Variants in MACF1 observed in about 807,000 individuals in gnomAD.
The protein encoded by MACF1 is microtubule-actin cross-linking factor 1.
In MACF1, 193 loss-of-function variants were observed where a neutral mutation model predicts 854.8. The ratio of observed to expected loss-of-function variants is 0.23; its 90% CI spans 0.20 to 0.25. The LOEUF (loss-of-function observed/expected upper bound fraction) is 0.25, where lower values mean the gene tolerates loss of function less well. Ranked by LOEUF, MACF1 falls within the 10% of genes least tolerant of loss-of-function variation. MACF1 has a pLI of 1.00. For missense variants in MACF1, 7,722 were observed against 8,929.1 expected, an observed-to-expected ratio of 0.86 and a Z score of 5.45; for synonymous variants, 3,185 against 3,226.7, an observed-to-expected ratio of 0.99 and a Z score of 0.44.
intron 72 of MACF1, among the ~76,000 whole-genome samples, chr1:39,440,375 G>A (rs1382452494): frequency 6.6e-6 from 1 of 151,588 alleles, no homozygotes; most frequent in African/African-American, 2.4e-5. Flanking sequence ...CAAAGTCCTG[G>A]GATTACAGGC....
At chr1:39,260,024 G>A (rs953459575) in intron 6 of MACF1, among the ~76,000 whole-genome samples, 6 of 152,294 alleles carry the variant, frequency 3.9e-5, no homozygotes, top group African/African-American at 1.4e-4. Context: ...ACCAATAATA[G>A]TTCCTTTGTT....
intron 1 of MACF1, among the ~76,000 whole-genome samples, chr1:39,230,367 G>A (rs755220523): frequency 5.3e-5 from 8 of 152,140 alleles, no homozygotes; most frequent in Non-Finnish European, 1.0e-4. Context: ...GATAGGCCAC[G>A]GAGCATGGTC....
rs147697630 is a variant in MACF1, at chr1:39,337,287, G to C, written c.10171G>C (p.Glu3391Gln). The C allele has an allele frequency of 1.2e-6, 2 of 1,614,004 alleles. No individual in the cohort carries two copies. Among genetic ancestry groups the C allele is most frequent in the African/African-American group, 2.7e-5 (2 of 75,040 alleles). ...EMRTKQIQPL[E>Q]LNLAELQDLL... ...GAGGACCAAACAGATTCAACCTTTG[G>C]AGCTAAACCTGGCAGAACTACAGGA... is the stretch of plus-strand genomic sequence containing the variant. The change falls in exon 38 of 101, where the codon GAG becomes CAG. Residue 3391 changes from glutamate (E) to glutamine (Q), a missense_variant. Transcript: ENST00000564288.
At position 39,289,746 on chromosome 1, in the gene MACF1, C is replaced by T. The variant is rs1347309248; in HGVS notation, c.1786-2164C>T. 1.2e-4 allele frequency among the ~76,000 whole-genome samples: 9 copies of T among 75,284 alleles called. No individual in the cohort carries two copies. The Admixed American group carries it at 1.4e-3, about 11-fold the overall frequency. 49.4% of individuals were successfully genotyped at this position (75,284 alleles called of 152,430 possible). A position where few individuals can be genotyped will look rare whatever the true frequency, so the allele number is the denominator to read the frequency against. On this transcript the variant is annotated intron_variant, in intron 15 of 100. Coordinates refer to ENST00000564288, the MANE Select transcript of MACF1 (RefSeq NM_001394062.1). Reference sequence around the variant, plus strand: ...TTTTTGAGACAGAGTCTTGTTCTGTCTCCCAGGCTGGAGTGCAATGGCGCA... The same window carrying T: ...TTTTTGAGACAGAGTCTTGTTCTGTTTCCCAGGCTGGAGTGCAATGGCGCA...
At chr1:39,420,909 A>G (rs1570005958) in intron 58 of MACF1, among the ~76,000 whole-genome samples, 1 of 136,432 alleles carries the variant, frequency 7.3e-6, no homozygotes, top group South Asian at 2.2e-4. Flanking sequence ...TCTGTTGCCC[A>G]GGCTGGAGTG....
Position 39,333,646 on chromosome 1 carries a change from G to C in MACF1, c.7058G>C (p.Gly2353Ala). 6.2e-7 allele frequency: 1 copy of C among 1,614,210 alleles called. No individual in the cohort carries two copies. The highest frequency in any genetic ancestry group is 8.5e-7 in the Non-Finnish European group (1 of 1,180,034). Residue 2353 changes from glycine to alanine, a missense_variant, in exon 37 of 101, where the codon GGT becomes GCT. Around this residue, in one of 15 missense-constraint regions of MACF1, gnomAD observed 1,531 missense variants for 1,601.6 expected, o/e 0.96. Coordinates refer to ENST00000564288, the MANE Select transcript of MACF1 (RefSeq NM_001394062.1). ...ACAACTGAAGAAGTCATTAATGAAG[G>C]TCTGATGGATGAGAAATTATTACAT... The part of the protein sequence containing the change: ...SLTTEEVINE[G>A]LMDEKLLHNV...
At chr1:39,232,147 A>G (rs1387739797) in intron 2 of MACF1, among the ~76,000 whole-genome samples, 1 of 148,690 alleles carries the variant, frequency 6.7e-6, no homozygotes, top group African/African-American at 2.4e-5. Flanking sequence ...ATATATTATT[A>G]TGGTATTATT....
At chr1:39,217,896 AAAAG>A (rs1371832847) in intron 1 of MACF1, among the ~76,000 whole-genome samples, 2 of 149,332 alleles carry the variant, frequency 1.3e-5, no homozygotes, top group African/African-American at 5.0e-5. Context: ...AAAAAAAAAA[AAAAG>A]AGGTCGGTCA....
rs1641933920 is a variant in MACF1, at chr1:39,096,241, A to C, written c.220+11803A>C. On this transcript the variant is annotated intron_variant, in intron 2 of 93. Coordinates refer to the MACF1 transcript ENST00000361689. ...GAGTCTTGCTTTGGGAGGAAAAAGA[A>C]ACAGGTGAAAGGAGGGCAGGAGGGC... is the stretch of plus-strand genomic sequence containing the variant. 2.6e-5 allele frequency among the ~76,000 whole-genome samples: 4 copies of C among 151,946 alleles called. 1 individual carries two copies. The South Asian group carries it at 8.3e-4, about 31-fold the overall frequency.
At chr1:39,436,359 C>G in intron 70 of MACF1, 3 of 981,192 alleles carry the variant, frequency 3.1e-6, no homozygotes, top group Non-Finnish European at 4.9e-6. Context: ...GTTTCTCCCC[C>G]CACCTTCCGT....
At chr1:39,296,174 G>T (rs1359310349) in intron 20 of MACF1, among the ~76,000 whole-genome samples, 1 of 152,184 alleles carries the variant, frequency 6.6e-6, no homozygotes, top group Non-Finnish European at 1.5e-5. Context: ...AGGTGCTGAA[G>T]CACCAACCCA....
intron 97 of MACF1, among the ~76,000 whole-genome samples, chr1:39,479,201 C>G (rs1435048097): frequency 6.6e-6 from 1 of 152,156 alleles, no homozygotes; most frequent in African/African-American, 2.4e-5. Context: ...TTCTCACTAG[C>G]AAGTTTTGTG....
At position 39,444,644 on chromosome 1, in the gene MACF1, T is replaced by C. The variant is rs199949400; in HGVS notation, c.19432-18T>C. 3.7e-6 allele frequency: 6 copies of C among 1,600,746 alleles called. No individual in the cohort carries two copies. Among genetic ancestry groups the C allele is most frequent in the Non-Finnish European group, 5.1e-6 (6 of 1,170,950 alleles). ...AGAGAATTCGTAGAATTGATATCTTTCCTGCCTTTTCTTGTAGGAACTCTA... is the reference window on the plus strand; with the variant it reads ...AGAGAATTCGTAGAATTGATATCTTCCCTGCCTTTTCTTGTAGGAACTCTA... On this transcript the variant is annotated intron_variant, in intron 79 of 100. Coordinates refer to ENST00000564288, the MANE Select transcript of MACF1 (RefSeq NM_001394062.1).
Position 39,336,500 on chromosome 1 carries a change from A to G in MACF1, c.9912A>G (p.Thr3304=). Residue 3304 remains threonine (T), a synonymous_variant, in exon 37 of 101, where the codon ACA becomes ACG. Coordinates refer to ENST00000564288, the MANE Select transcript of MACF1 (RefSeq NM_001394062.1). ...TTCTAGAGACCAGTGAAGAAAAGAC[A>G]GTGTCCCTAACAGTATGCTCTGCAG... ...PTVLETSEEK[T]VSLTVCSAVK... is the part of the protein sequence containing the mutation. The G allele has an allele frequency of 6.2e-7, 1 of 1,614,192 alleles. No homozygotes were observed. The highest frequency in any genetic ancestry group is 8.5e-7 in the Non-Finnish European group (1 of 1,180,032).
intron 2 of MACF1, among the ~76,000 whole-genome samples, chr1:39,150,124 C>T (rs1643548085): frequency 6.6e-6 from 1 of 151,920 alleles, no homozygotes; most frequent in Non-Finnish European, 1.5e-5. Context: ...CTCAAGCAAT[C>T]CTCCCACCCC....
intron 94 of MACF1, chr1:39,464,685 G>A (rs554954194): frequency 2.0e-4 from 37 of 185,432 alleles, no homozygotes; most frequent in Admixed American, 1.7e-3. Context: ...AGAGGCGAGC[G>A]AGCGGATCAC....
rs763470982 is a variant in MACF1, at chr1:39,485,556, G to T, written c.22430G>T (p.Ser7477Ile). The stretch of plus-strand genomic sequence containing the variant: ...ATTCCAGACCCTAAAAAGTCTGCCA[G>T]TCGCCCTGGGAGTCGGGCTGGGAGT... Reference protein sequence around the residue: ...TNRADPKKSASRPGSRAGSRA... With the variant: ...TNRADPKKSAIRPGSRAGSRA... The change falls in exon 101 of 101, where the codon AGT becomes ATT. Residue 7477 changes from serine (S) to isoleucine (I), a missense_variant. Around this residue, in one of 15 missense-constraint regions of MACF1, gnomAD observed 185 missense variants for 225.7 expected, o/e 0.82. Transcript: ENST00000564288. The T allele has an allele frequency of 6.2e-7, 1 of 1,613,332 alleles. No homozygotes were observed. Among genetic ancestry groups the T allele is most frequent in the South Asian group, 1.1e-5 (1 of 91,068 alleles).
chr1:39,116,285 A>G (rs1195595555), intron 2 of MACF1, among the ~76,000 whole-genome samples: 2 of 152,152 alleles, frequency 1.3e-5, no homozygotes, highest in Non-Finnish European at 2.9e-5. Context: ...GAGGTGTAGG[A>G]ACTTGAGGGA....
At chr1:39,195,401 T>A (rs1644307650) in intron 2 of MACF1, among the ~76,000 whole-genome samples, 1 of 152,230 alleles carries the variant, frequency 6.6e-6, no homozygotes, top group Non-Finnish European at 1.5e-5. Context: ...AATTTGCTCA[T>A]TCCACAAATA....
Sources: gnomAD v4.1 joint callset for allele counts (sites outside exome capture counted in the v4.1 genomes callset) on GRCh38, gnomAD v4.1.1 for gene constraint, gnomAD v4.1.1 regional missense constraint, MANE v1.5 for transcripts, NCBI Gene and HGNC (gene_info 2026-07-23, HGNC 2026-07-21) for gene names.